The following GRIK2 variants were observed in gnomAD, a reference collection of about 807,000 sequenced individuals.
The protein encoded by GRIK2 is glutamate ionotropic receptor kainate type subunit 2.
Under a neutral mutation model 100.3 loss-of-function variants are expected in GRIK2, and 32 were observed. The observed-to-expected ratio is 0.32, with a 90% confidence interval of 0.24 to 0.43. The LOEUF is 0.43. Ranked by LOEUF, GRIK2 falls within the 20% of genes least tolerant of loss-of-function variation. The pLI is 1.00. For missense variants in GRIK2, 843 were observed against 1,114.9 expected (o/e 0.76, Z 3.47); for synonymous variants, 417 against 389.4 (o/e 1.07, Z -0.83).
At chr6:101,477,343 A>G (rs1772293744) in intron 2 of GRIK2, among the ~76,000 whole-genome samples, 1 of 152,174 alleles carries the variant, frequency 6.6e-6, no homozygotes. Context: ...CAGAACGGTA[A>G]GGGATATTGA....
intron 2 of GRIK2, among the ~76,000 whole-genome samples, chr6:101,584,885 A>C (rs1298508116): frequency 6.6e-6 from 1 of 151,904 alleles, no homozygotes; most frequent in Admixed American, 6.6e-5. Context: ...TTTTAGTTAC[A>C]TAATCCTCTT....
At position 101,983,665 on chromosome 6, in the gene GRIK2, A is replaced by AT. The variant is rs909129032; in HGVS notation, c.2086-51675dup. ...TTACTTGGTATTCCTCTTACATTTC[A>AT]TACAAGGTATGCACAAAACAGAAAT... On this transcript the variant is annotated intron_variant, in intron 14 of 16. Coordinates refer to ENST00000369134, the MANE Select transcript of GRIK2 (RefSeq NM_021956.5). Among the ~76,000 whole-genome samples, 4 of 151,800 alleles carry AT rather than the reference A, an allele frequency of 2.6e-5. 1 individual carries two copies. The highest frequency in any genetic ancestry group is 9.7e-5 in the African/African-American group (4 of 41,420).
At chr6:101,891,516 CAAAAAA>C (rs5878701) in intron 12 of GRIK2, 94 of 193,024 alleles carry the variant, frequency 4.9e-4, no homozygotes, top group Admixed American at 7.7e-4. Flanking sequence ...GACTCCATCT[CAAAAAA>C]AAAAAAAAAA....
At chr6:101,873,382 G>A (rs932405531) in intron 11 of GRIK2, among the ~76,000 whole-genome samples, 2 of 151,608 alleles carry the variant, frequency 1.3e-5, no homozygotes, top group African/African-American at 2.4e-5. Context: ...TGCTGAGAAT[G>A]ATGGTTTCCA....
intron 2 of GRIK2, among the ~76,000 whole-genome samples, chr6:101,529,677 T>A (rs1775330745): frequency 6.6e-6 from 1 of 152,024 alleles, no homozygotes; most frequent in African/African-American, 2.4e-5. Context: ...AGGGTTGGTG[T>A]CCTAAAGGAG....
intron 2 of GRIK2, among the ~76,000 whole-genome samples, chr6:101,474,063 A>G (rs919105034): frequency 6.6e-6 from 1 of 151,798 alleles, no homozygotes; most frequent in Non-Finnish European, 1.5e-5. Context: ...TGAATCCCAT[A>G]TTAATGCTCT....
At chr6:101,834,391 T>C (rs1335017425) in intron 10 of GRIK2, among the ~76,000 whole-genome samples, 1 of 152,064 alleles carries the variant, frequency 6.6e-6, no homozygotes. Flanking sequence ...ATTTGGGTTT[T>C]TTTGGAGCGT....
At chr6:101,868,514 A>G (rs1359938177) in intron 11 of GRIK2, among the ~76,000 whole-genome samples, 3 of 151,764 alleles carry the variant, frequency 2.0e-5, no homozygotes, top group Admixed American at 6.6e-5. Flanking sequence ...ATAAATACTG[A>G]TTTGCATCTA....
At chr6:101,872,608 GT>G (rs1026875949) in intron 11 of GRIK2, among the ~76,000 whole-genome samples, 2 of 151,678 alleles carry the variant, frequency 1.3e-5, no homozygotes, top group African/African-American at 4.8e-5. Context: ...ATTACCATCA[GT>G]TTTATTCTTT....
chr6:101,596,680 A>G (rs1778944533), intron 2 of GRIK2, among the ~76,000 whole-genome samples: 1 of 151,688 alleles, frequency 6.6e-6, no homozygotes, highest in Non-Finnish European at 1.5e-5. Flanking sequence ...TAATCATAAA[A>G]ACCCTTAAAT....
At chr6:101,975,615 G>C (rs1793314439) in intron 14 of GRIK2, among the ~76,000 whole-genome samples, 1 of 151,766 alleles carries the variant, frequency 6.6e-6, no homozygotes, top group South Asian at 2.1e-4. Flanking sequence ...CTGGACTTGA[G>C]GAAATAGAAA....
chr6:101,744,193 C>T (rs564979926), intron 7 of GRIK2, among the ~76,000 whole-genome samples: 7 of 152,022 alleles, frequency 4.6e-5, no homozygotes, highest in African/African-American at 1.4e-4. Flanking sequence ...CCGCCCGCCT[C>T]GGCCTCCCAA....
At chr6:101,420,460 G>A (rs943329865) in intron 2 of GRIK2, among the ~76,000 whole-genome samples, 3 of 152,150 alleles carry the variant, frequency 2.0e-5, no homozygotes, top group Admixed American at 1.3e-4. Context: ...CATTTCATGT[G>A]GCTTAACACA....
intron 4 of GRIK2, among the ~76,000 whole-genome samples, chr6:101,671,799 G>A (rs1023403055): frequency 6.6e-6 from 1 of 152,168 alleles, no homozygotes; most frequent in Non-Finnish European, 1.5e-5. Context: ...AGGAGGCGGA[G>A]GTTGTAGTGA....
At chr6:101,841,347 G>A (rs1783486935) in intron 10 of GRIK2, among the ~76,000 whole-genome samples, 1 of 151,292 alleles carries the variant, frequency 6.6e-6, no homozygotes, top group Admixed American at 6.6e-5. Flanking sequence ...AAATTCACGT[G>A]CATTGTGAAT....
At chr6:101,591,764 T>A (rs188905572) in intron 2 of GRIK2, among the ~76,000 whole-genome samples, 162 of 152,110 alleles carry the variant, frequency 1.1e-3, no homozygotes, top group African/African-American at 3.8e-3. Context: ...GAGTTTAAGG[T>A]TTAGCTAAGA....
At chr6:101,486,227 C>A (rs1772818829) in intron 2 of GRIK2, among the ~76,000 whole-genome samples, 1 of 151,996 alleles carries the variant, frequency 6.6e-6, no homozygotes, top group African/African-American at 2.4e-5. Context: ...GAAGTGATAT[C>A]TCCAAGGGAA....
At chr6:101,829,545 G>C (rs934207944) in intron 10 of GRIK2, among the ~76,000 whole-genome samples, 1 of 151,658 alleles carries the variant, frequency 6.6e-6, no homozygotes, top group South Asian at 2.1e-4. Context: ...CTTCAGCAAA[G>C]TCTCAGAATA....
chr6:101,598,970 A>G (rs1319515555), intron 2 of GRIK2, among the ~76,000 whole-genome samples: 1 of 151,548 alleles, frequency 6.6e-6, no homozygotes, highest in Non-Finnish European at 1.5e-5. Flanking sequence ...ATGTGGCTAT[A>G]TTATGTGATG....
Sources: allele counts gnomAD v4.1 joint callset (sites outside exome capture counted in the v4.1 genomes callset), GRCh38; gene constraint gnomAD v4.1.1; transcripts MANE v1.5; gene names NCBI Gene and HGNC (gene_info 2026-07-23, HGNC 2026-07-21).